CCT8: variants seen among roughly 807,000 people sequenced by gnomAD.
The protein encoded by CCT8 is chaperonin containing TCP1 subunit 8.
CCT8 carries 10 observed loss-of-function variants against 65.7 expected under a neutral mutation model. The ratio of observed to expected loss-of-function variants is 0.15; its 90% CI spans 0.09 to 0.26. CCT8 has a LOEUF of 0.26. Among genes scored for constraint, CCT8 ranks in the 10% least tolerant of loss-of-function variants. The probability of loss-of-function intolerance (pLI) is 1.00; values close to 1 mark genes in which losing one functional copy is unlikely to be tolerated. For synonymous variants in CCT8, 199 were observed against 221.8 expected (o/e 0.90, Z 0.92); for missense variants, 568 against 669.1 (o/e 0.85, Z 1.67).
In CCT8 at chr21:29,056,396, G is replaced by C. The variant is rs914789413; in HGVS notation, c.*79C>G. 4 of 685,284 alleles carry C rather than the reference G, an allele frequency of 5.8e-6. No individual in the cohort carries two copies. Among genetic ancestry groups the C allele is most frequent in the Non-Finnish European group, 9.1e-6 (4 of 438,898 alleles). 42.5% of individuals were successfully genotyped at this position (685,284 alleles called of 1,614,324 possible). A position where few individuals can be genotyped will look rare whatever the true frequency, so the allele number is the denominator to read the frequency against. On this transcript the variant is annotated 3_prime_UTR_variant, in exon 15 of 15. Transcript: ENST00000286788. ...AAACACAAAATAACTCTTAATTTAA[G>C]GAGAATAAGAAAACATCAGGTGATT...
At chr21:29,062,934 G>C (rs973525255) in intron 8 of CCT8, 1 of 324,924 alleles carries the variant, frequency 3.1e-6, no homozygotes, top group Non-Finnish European at 5.7e-6. Flanking sequence ...CTGTGAACAA[G>C]AGTGATTTAT....
Position 29,056,414 on chromosome 21 carries a change from AG to A in CCT8, c.*60del, listed in dbSNP as rs2085498997. The A allele has an allele frequency of 1.2e-6, 1 of 814,900 alleles. No individual in the cohort carries two copies. The highest frequency in any genetic ancestry group is 1.8e-6 in the Non-Finnish European group (1 of 544,548). The allele number at this position is 814,900 out of a possible 1,614,324, so 50.5% of individuals were successfully genotyped here. A position where few individuals can be genotyped will look rare whatever the true frequency, so the allele number is the denominator to read the frequency against. On this transcript the variant is annotated 3_prime_UTR_variant, in exon 15 of 15. Coordinates refer to ENST00000286788, the MANE Select transcript of CCT8 (RefSeq NM_006585.4). The stretch of plus-strand genomic sequence containing the variant: ...AATTTAAGGAGAATAAGAAAACATC[AG>A]GTGATTCTTGAGTACTACTACAAAT...
intron 11 of CCT8, 80 bp downstream of exon 11, chr21:29,062,048 A>G: frequency 7.6e-6 from 7 of 919,490 alleles, no homozygotes; most frequent in Non-Finnish European, 1.2e-5. Context: ...CATGATGTGC[A>G]AGAGTCTGCA....
intron 1 of CCT8, 51 bp from the exon 2 acceptor site, chr21:29,070,388 A>G: frequency 8.6e-7 from 1 of 1,159,510 alleles, no homozygotes; most frequent in South Asian, 1.4e-5. Flanking sequence ...GGACAGTGAA[A>G]CAAAAATTTC....
At chr21:29,067,257 C>A (rs2085634356) in intron 4 of CCT8, among the ~76,000 whole-genome samples, 186 bp from the exon 5 acceptor site, 1 of 152,180 alleles carries the variant, frequency 6.6e-6, no homozygotes, top group Admixed American at 6.5e-5. Context: ...AATCTTAACT[C>A]TACCTAACTC....
At chr21:29,071,824 C>A in intron 1 of CCT8, 1 of 626,278 alleles carries the variant, frequency 1.6e-6, no homozygotes, top group South Asian at 1.8e-5. Flanking sequence ...TTGATCAGAT[C>A]CCCTCATTCC....
chr21:29,068,052 CAGG>C (rs925353985), intron 3 of CCT8, among the ~76,000 whole-genome samples: 2 of 152,278 alleles, frequency 1.3e-5, no homozygotes, highest in Admixed American at 6.5e-5. Context: ...TAAAAGCCTT[CAGG>C]AGAACTAAAA....
chr21:29,064,409 TAAAAAAAAAAAAAA>T (rs34760776), intron 7 of CCT8, among the ~76,000 whole-genome samples: 2 of 26,714 alleles, frequency 7.5e-5, no homozygotes, highest in African/African-American at 1.7e-4. Context: ...AGCAAGACTC[TAAAAAAAAAAAAAA>T]AAAAAAAAAA....
intron 7 of CCT8, 72 bp downstream of exon 7, chr21:29,064,896 G>A (rs558149122): frequency 1.5e-6 from 2 of 1,357,412 alleles, no homozygotes; most frequent in South Asian, 2.5e-5. Flanking sequence ...GTACTTACTG[G>A]TTTAAGAGCT....
intron 6 of CCT8, 136 bp from the exon 7 acceptor site, chr21:29,065,241 GGGTGGAGT>G (rs752884645): frequency 4.7e-6 from 4 of 844,988 alleles, no homozygotes; most frequent in African/African-American, 1.7e-5. Context: ...CTGGGATAAG[GGGTGGAGT>G]GGTGGACATA....
At chr21:29,065,565 T>C (rs2085612890) in intron 6 of CCT8, among the ~76,000 whole-genome samples, 1 of 152,258 alleles carries the variant, frequency 6.6e-6, no homozygotes, top group African/African-American at 2.4e-5. Context: ...TATGTTATGC[T>C]AAATTCACAT....
In CCT8 at chr21:29,064,978, G is replaced by A. The variant is rs1188696950; in HGVS notation, c.752C>T (p.Thr251Ile). The change falls in exon 7 of 15, where the codon ACA (threonine) becomes ATA (isoleucine). Residue 251 changes from threonine to isoleucine, a missense_variant. Physicochemically the swap from Thr to Ile is moderately conservative, Grantham distance 89. Coordinates refer to ENST00000286788, the MANE Select transcript of CCT8 (RefSeq NM_006585.4). ...TTGAAGTCTACATACCTTAGTTTCT[G>A]TTATCATGCCATCAAAAGGACAAGA... ...VYSCPFDGMI[T>I]ETKGTVLIKT... 6.2e-7 allele frequency: 1 copy of A among 1,613,746 alleles called. No individual in the cohort carries two copies. The highest frequency in any genetic ancestry group is 1.1e-5 in the South Asian group (1 of 91,078).
In CCT8 at chr21:29,062,248, C is replaced by A. The variant is rs984482434; in HGVS notation, c.1097-5G>T. 1.2e-6 allele frequency: 2 copies of A among 1,611,008 alleles called. No homozygotes were observed. The highest frequency in any genetic ancestry group is 1.3e-5 in the African/African-American group (1 of 74,882). On this transcript the variant is annotated splice_polypyrimidine_tract_variant and splice_region_variant and intron_variant, in intron 10 of 14. Transcript: ENST00000286788. ...AAATGGCGCCATCTTCCTTTTCTAT[C>A]AAAAAATTAAATATATTTGGTGATT... is the stretch of plus-strand genomic sequence containing the variant.
chr21:29,068,463 T>G (rs943649011), intron 3 of CCT8, among the ~76,000 whole-genome samples: 2 of 151,742 alleles, frequency 1.3e-5, no homozygotes, highest in Non-Finnish European at 2.9e-5. Flanking sequence ...TAATATGTAT[T>G]TTTTTTTCTT....
rs150658487 is a variant in CCT8, at chr21:29,066,989, C to T, written c.464G>A (p.Arg155Gln). 77 of 1,613,414 alleles carry T rather than the reference C, an allele frequency of 4.8e-5. No individual in the cohort carries two copies. Among genetic ancestry groups the T allele is most frequent in the Middle Eastern group, 3.3e-4 (2 of 6,054 alleles). ...TAGAGATGAGACTTCATCAATATCTCGAAGGTTTTTTGCAGAACAACATAC... is the reference window on the plus strand; with the variant it reads ...TAGAGATGAGACTTCATCAATATCTTGAAGGTTTTTTGCAGAACAACATAC... ...NLVCCSAKNL[R>Q]DIDEVSSLLR... The change falls in exon 5 of 15, where the codon CGA becomes CAA. Residue 155 changes from arginine (R) to glutamine (Q), a missense_variant. Physicochemically the swap from Arg to Gln is conservative, Grantham distance 43. Coordinates refer to ENST00000286788, the MANE Select transcript of CCT8 (RefSeq NM_006585.4).
At chr21:29,057,263 C>A (rs1355510587) in intron 14 of CCT8, among the ~76,000 whole-genome samples, 4 of 151,448 alleles carry the variant, frequency 2.6e-5, no homozygotes, top group Admixed American at 2.0e-4. Context: ...CCTCTGCCTC[C>A]TGGGTTCAAG....
Position 29,061,286 on chromosome 21 carries a change from T to C in CCT8, c.1416A>G (p.Gln472=). ...EVISKLYAVH[Q]EGNKNVGLDI... is the part of the protein sequence containing the mutation. Reference sequence around the variant, plus strand: ...CTAATCCAACGTTTTTATTTCCTTCTTGATGTACTGCATAAAGTTTAGAGA... The same window carrying C: ...CTAATCCAACGTTTTTATTTCCTTCCTGATGTACTGCATAAAGTTTAGAGA... Residue 472 remains glutamine (Q), a synonymous_variant, in exon 13 of 15, where the codon CAA becomes CAG. Transcript: ENST00000286788. 6.2e-7 allele frequency: 1 copy of C among 1,613,980 alleles called. No individual in the cohort carries two copies. The highest frequency in any genetic ancestry group is 1.1e-5 in the South Asian group (1 of 91,074).
chr21:29,064,868 T>C (rs961707016), intron 7 of CCT8, 100 bp downstream of exon 7: 18 of 952,142 alleles, frequency 1.9e-5, no homozygotes, highest in Non-Finnish European at 2.9e-5. Context: ...GATCCTGCAA[T>C]GTTCAGTTTT....
At chr21:29,056,689 CAG>C (rs760361197) in intron 14 of CCT8, 137 bp from the exon 15 acceptor site, 7 of 435,670 alleles carry the variant, frequency 1.6e-5, no homozygotes, top group East Asian at 7.1e-5. Context: ...CACTACAGCA[CAG>C]AGTTTGCTAG....
Sources: allele counts gnomAD v4.1 joint callset (sites outside exome capture counted in the v4.1 genomes callset), GRCh38; gene constraint gnomAD v4.1.1; transcripts MANE v1.5; gene names NCBI Gene and HGNC (gene_info 2026-07-23, HGNC 2026-07-21).